Variants in DGLUCY observed in about 807,000 individuals in gnomAD.
The protein encoded by DGLUCY is D-glutamate cyclase, mitochondrial.
A neutral mutation model predicts 58.5 loss-of-function variants in DGLUCY; 58 were observed. The ratio of observed to expected loss-of-function variants is 0.99; its 90% confidence interval spans 0.80 to 1.23. DGLUCY has a LOEUF of 1.23. Among genes scored for constraint, DGLUCY ranks in the 50% most tolerant of loss-of-function variants. The probability of loss-of-function intolerance (pLI) is 0.00; values close to 1 mark genes in which losing one functional copy is unlikely to be tolerated. For synonymous variants in DGLUCY, 325 were observed against 314.1 expected (o/e 1.03, Z -0.37); for missense variants, 779 against 784.7 (o/e 0.99, Z 0.09).
At chr14:91,218,280 C>T (rs1170941945) in intron 13 of DGLUCY, among the ~76,000 whole-genome samples, 1 of 152,140 alleles carries the variant, frequency 6.6e-6, no homozygotes, top group Non-Finnish European at 1.5e-5. Context: ...CACAAAAGAA[C>T]GAACCCAGCC....
chr14:91,203,446 A>G (rs1419835629), intron 11 of DGLUCY, among the ~76,000 whole-genome samples: 1 of 152,246 alleles, frequency 6.6e-6, no homozygotes, highest in African/African-American at 2.4e-5. Context: ...ACAATGATGT[A>G]CCTGTTCCAT....
chr14:91,149,773 T>C (rs1046732168), intron 1 of DGLUCY, among the ~76,000 whole-genome samples: 2 of 152,264 alleles, frequency 1.3e-5, no homozygotes, highest in Admixed American at 1.3e-4. Context: ...CCTTGGACTT[T>C]TGCCACTTGG....
rs188983715 is a variant in DGLUCY, at chr14:91,102,353, G to A, written c.-82+41649G>A. On this transcript the variant is annotated intron_variant, in intron 1 of 4. Coordinates refer to the DGLUCY transcript ENST00000521334. The stretch of plus-strand genomic sequence containing the variant: ...TAGGGTGAATTTAAATCCTTCTCGA[G>A]AAAGTGTCCTTTTGTCTCATGTCCA... Among the ~76,000 whole-genome samples the A allele has an allele frequency of 3.4e-4, 52 of 152,212 alleles. No homozygotes were observed. The East Asian group carries it at 4.6e-3, about 14-fold the overall frequency.
At chr14:91,201,141 A>G (rs139834903) in intron 11 of DGLUCY, among the ~76,000 whole-genome samples, 84 of 152,262 alleles carry the variant, frequency 5.5e-4, no homozygotes, top group African/African-American at 2.0e-3. Context: ...CAGTTAGGGT[A>G]GGGCAGGAAC....
chr14:91,123,187 A>G (rs1351131893), intron 1 of DGLUCY, among the ~76,000 whole-genome samples: 5 of 152,212 alleles, frequency 3.3e-5, no homozygotes, highest in East Asian at 3.8e-4. Context: ...AGAGGAGTCA[A>G]TCCATTTTTA....
intron 6 of DGLUCY, chr14:91,175,649 A>G (rs1346766156): frequency 1.6e-5 from 5 of 310,122 alleles, no homozygotes; most frequent in South Asian, 9.4e-5. Context: ...AATCTGCACA[A>G]TGAGAGTACT....
At chr14:91,114,418 T>C (rs2044783996) in intron 1 of DGLUCY, 135 bp downstream of exon 1, 1 of 152,116 alleles carries the variant, frequency 6.6e-6, no homozygotes, top group South Asian at 2.1e-4. Flanking sequence ...GCAAAACCAG[T>C]GAGCAAGGCA....
intron 1 of DGLUCY, among the ~76,000 whole-genome samples, chr14:91,141,628 T>A (rs1236730668): frequency 6.7e-6 from 1 of 148,760 alleles, no homozygotes; most frequent in African/African-American, 2.5e-5. Context: ...TTTGGCTCAC[T>A]GCAACCTCCG....
At chr14:91,160,901 T>A (rs2047942868) in intron 3 of DGLUCY, among the ~76,000 whole-genome samples, 1 of 152,140 alleles carries the variant, frequency 6.6e-6, no homozygotes, top group Non-Finnish European at 1.5e-5. Context: ...CAAGCAAAAT[T>A]TCACATTAAA....
intron 1 of DGLUCY, among the ~76,000 whole-genome samples, chr14:91,092,260 C>T (rs1246207622): frequency 6.6e-6 from 1 of 152,290 alleles, no homozygotes; most frequent in East Asian, 1.9e-4. Context: ...GTGTGCAGGA[C>T]AGAAACTATC....
chr14:91,125,512 C>G (rs2045620945), intron 1 of DGLUCY: 1 of 152,294 alleles, frequency 6.6e-6, no homozygotes, highest in South Asian at 2.1e-4. Context: ...TTACTCTTGG[C>G]TCTCTGCTTT....
upstream of DGLUCY, among the ~76,000 whole-genome samples, chr14:91,106,027 G>A (rs11159992): frequency 0.71 from 108,501 of 152,174 alleles, 39,930 homozygotes; most frequent in East Asian, 0.9. Context: ...ACCTTATGGG[G>A]CCAGGTGTGA....
At position 91,167,275 on chromosome 14, in the gene DGLUCY, T is replaced by C; in HGVS notation, c.154T>C (p.Phe52Leu). Residue 52 changes from phenylalanine (F) to leucine (L), a missense_variant, in exon 4 of 14, where the codon TTT becomes CTT. By Grantham distance (22) the Phe-to-Leu change is conservative. Coordinates refer to ENST00000256324, the MANE Select transcript of DGLUCY (RefSeq NM_001102368.3). ...CCTGCCCAGGTCCCTTGCTCCAGCT[T>C]TTGAAAGATTCTGCCAGGTCAACAC... is the stretch of plus-strand genomic sequence containing the variant. ...VVLPRSLAPA[F>L]ERFCQVNTGP... 5.6e-6 allele frequency: 9 copies of C among 1,612,310 alleles called. No homozygotes were observed. Among genetic ancestry groups the C allele is most frequent in the African/African-American group, 4.0e-5 (3 of 74,914 alleles).
chr14:91,062,779 A>G (rs1228977833), intron 1 of DGLUCY, among the ~76,000 whole-genome samples: 1 of 151,684 alleles, frequency 6.6e-6, no homozygotes, highest in East Asian at 1.9e-4. Context: ...CCTGCCTGGA[A>G]CATTTATCAT....
At chr14:91,108,526 T>TGTGA (rs1265665234) in intron 1 of DGLUCY, among the ~76,000 whole-genome samples, 610 of 52,152 alleles carry the variant, frequency 0.012, 17 homozygotes, top group East Asian at 0.02. Flanking sequence ...TGTGTGTGTG[T>TGTGA]GAGAGAGAGA....
At chr14:91,132,582 G>A (rs1012748147) in intron 1 of DGLUCY, among the ~76,000 whole-genome samples, 2 of 151,420 alleles carry the variant, frequency 1.3e-5, no homozygotes, top group Non-Finnish European at 2.9e-5. Flanking sequence ...GAGTTCAAAC[G>A]ATTCTCCTGC....
At chr14:91,195,537 G>A (rs186630405) in intron 9 of DGLUCY, among the ~76,000 whole-genome samples, 6 of 152,094 alleles carry the variant, frequency 3.9e-5, no homozygotes, top group Admixed American at 2.6e-4. Flanking sequence ...GTAGGGAGTG[G>A]GTGAGAATTT....
At chr14:91,179,846 T>A (rs2140447324) in intron 7 of DGLUCY, among the ~76,000 whole-genome samples, 1 of 148,102 alleles carries the variant, frequency 6.8e-6, no homozygotes, top group South Asian at 2.1e-4. Flanking sequence ...AAAAATTTAT[T>A]TTTTTTTTTT....
chr14:91,108,329 T>C (rs2044626214), intron 1 of DGLUCY, among the ~76,000 whole-genome samples: 1 of 152,010 alleles, frequency 6.6e-6, no homozygotes, highest in South Asian at 2.1e-4. Flanking sequence ...TCATATTGGT[T>C]ACTGAGTTGT....
Sources: allele counts gnomAD v4.1 joint callset (sites outside exome capture counted in the v4.1 genomes callset), GRCh38; gene constraint gnomAD v4.1.1; transcripts MANE v1.5; gene names NCBI Gene and HGNC (gene_info 2026-07-23, HGNC 2026-07-21).